Variants in PIGN observed in about 807,000 individuals in gnomAD.
PIGN encodes the protein GPI ethanolamine phosphate transferase 1.
Under a neutral mutation model 125.4 loss-of-function variants are expected in PIGN, and 117 were observed. The observed-to-expected ratio is 0.93, with a 90% CI of 0.80 to 1.09. The LOEUF (loss-of-function observed/expected upper bound fraction) is 1.09, where lower values mean the gene tolerates loss of function less well. PIGN is among the 50% of genes least tolerant of loss of function. The pLI, the probability that PIGN is intolerant of heterozygous loss-of-function variation, is 0.00. For missense variants in PIGN, 1,075 were observed against 1,094.9 expected (o/e 0.98, Z 0.26); for synonymous variants, 392 against 377.8 (o/e 1.04, Z -0.44).
chr18:62,068,115 T>TTTG (rs553683870), intron 30 of PIGN, among the ~76,000 whole-genome samples: 1 of 151,932 alleles, frequency 6.6e-6, no homozygotes, highest in Admixed American at 6.6e-5. Context: ...TGTTTGTTTG[T>TTTG]TTTTTTGTCT....
chr18:62,107,366 G>C (rs940321915), intron 17 of PIGN: 3 of 319,166 alleles, frequency 9.4e-6, no homozygotes, highest in Non-Finnish European at 1.8e-5. Flanking sequence ...AGGCTGAAGA[G>C]GGCGGATCAC....
rs797020874 is a variant in PIGN, at chr18:62,065,513, C to A, written c.2672+7160G>T. On this transcript the variant is annotated intron_variant, in intron 30 of 30. Transcript: ENST00000640252. ...CAGCACTTTGGGAGGCCGAGGCGGG[C>A]GGATCACGAGGTCAGAATATCGAGA... 9.7e-4 allele frequency among the ~76,000 whole-genome samples: 148 copies of A among 151,984 alleles called. 1 individual carries two copies. The highest frequency in any genetic ancestry group is 3.4e-3 in the African/African-American group (143 of 41,460).
downstream of PIGN, among the ~76,000 whole-genome samples, chr18:62,036,936 C>T (rs538418943): frequency 6.6e-6 from 1 of 152,232 alleles, no homozygotes; most frequent in East Asian, 1.9e-4. Flanking sequence ...TTATTATTAC[C>T]TCCTCAATTA....
intron 23 of PIGN, among the ~76,000 whole-genome samples, chr18:62,090,850 A>C (rs2033922048): frequency 6.6e-6 from 1 of 152,200 alleles, no homozygotes; most frequent in Non-Finnish European, 1.5e-5. Flanking sequence ...ACAGATATAC[A>C]TAAAAGAGAA....
chr18:62,100,859 C>T (rs1298961471), intron 22 of PIGN, among the ~76,000 whole-genome samples: 1 of 152,128 alleles, frequency 6.6e-6, no homozygotes, highest in African/African-American at 2.4e-5. Flanking sequence ...ATTATCAGCT[C>T]ATAAATATTC....
At position 62,163,657 on chromosome 18, in the gene PIGN, C is replaced by T. The variant is rs1238378057; in HGVS notation, c.-235-1G>A. On this transcript the variant is annotated splice_acceptor_variant, in intron 1 of 30. Transcript: ENST00000640252. LOFTEE classifies it low-confidence loss of function (5UTR_SPLICE). Reference sequence around the variant, plus strand: ...ACAGGACTGAGACATAATACTGTTTCTAGAACATAAAACATTAAAAAAATT... The same window carrying T: ...ACAGGACTGAGACATAATACTGTTTTTAGAACATAAAACATTAAAAAAATT... 1 of 152,022 alleles carries T rather than the reference C, an allele frequency of 6.6e-6. No individual in the cohort carries two copies. Among genetic ancestry groups the T allele is most frequent in the African/African-American group, 2.4e-5 (1 of 41,416 alleles). The allele number at this position is 152,022 out of a possible 1,614,324, so 9.4% of individuals were successfully genotyped here. A position where few individuals can be genotyped will look rare whatever the true frequency, so the allele number is the denominator to read the frequency against.
chr18:62,122,638 A>C (rs903805551), intron 14 of PIGN, among the ~76,000 whole-genome samples: 4 of 152,190 alleles, frequency 2.6e-5, no homozygotes, highest in Non-Finnish European at 5.9e-5. Flanking sequence ...AGACTTCTGG[A>C]ATGAAAATAT....
chr18:62,022,622 A>C (rs1330600038), intron 23 of PIGN, among the ~76,000 whole-genome samples: 1 of 152,214 alleles, frequency 6.6e-6, no homozygotes, highest in Non-Finnish European at 1.5e-5. Context: ...TGACCTTTAA[A>C]ATTTCTTGTA....
At chr18:62,181,820 G>A (rs188194865) in intron 1 of PIGN, among the ~76,000 whole-genome samples, 43 of 152,076 alleles carry the variant, frequency 2.8e-4, no homozygotes, top group Middle Eastern at 3.4e-3. Context: ...TCCACCTCCC[G>A]GGTTCAAGCA....
chr18:62,170,818 T>C (rs968908148), intron 1 of PIGN, among the ~76,000 whole-genome samples: 3 of 152,166 alleles, frequency 2.0e-5, no homozygotes, highest in Admixed American at 6.5e-5. Context: ...TTGAAGAAAA[T>C]TAAAAGTGTT....
Position 62,082,668 on chromosome 18 carries a change from CT to C in PIGN, c.2576+4del. On this transcript the variant is annotated splice_donor_region_variant and intron_variant, in intron 28 of 30. Transcript: ENST00000640252. ...TCAAATGTTTCTTAAACTAATTCAT[CT>C]TACCTTTTTGACGATAACTGAGTAG... 1 of 1,490,718 alleles carries C rather than the reference CT, an allele frequency of 6.7e-7. No individual in the cohort carries two copies. The highest frequency in any genetic ancestry group is 9.2e-7 in the Non-Finnish European group (1 of 1,091,176). 92.3% of individuals were successfully genotyped at this position (1,490,718 alleles called of 1,614,324 possible).
At chr18:62,165,574 A>G (rs938070331) in intron 1 of PIGN, among the ~76,000 whole-genome samples, 3 of 152,210 alleles carry the variant, frequency 2.0e-5, no homozygotes, top group Admixed American at 6.5e-5. Context: ...GATACATTAA[A>G]TTTAAGCTCG....
chr18:62,141,766 G>C (rs2036144456), intron 11 of PIGN, among the ~76,000 whole-genome samples: 1 of 152,154 alleles, frequency 6.6e-6, no homozygotes, highest in African/African-American at 2.4e-5. Context: ...TGAACTTTCA[G>C]AATTAAGTTC....
chr18:62,140,314 TAA>T, intron 12 of PIGN, 104 bp downstream of exon 12: 2 of 463,496 alleles, frequency 4.3e-6, no homozygotes, highest in Non-Finnish European at 7.8e-6. Flanking sequence ...AGACCCCATC[TAA>T]AAAAAAAACC....
Position 62,103,294 on chromosome 18 carries a change from TACA to T in PIGN, c.1860-395_1860-393del, listed in dbSNP as rs774714608. ...GCTAAACAAGTATATTATCAGTATC[TACA>T]ACATGTATTTTGTGATTATGAAACT... On this transcript the variant is annotated intron_variant, in intron 20 of 30. Coordinates refer to ENST00000640252, the MANE Select transcript of PIGN (RefSeq NM_176787.5). Among the ~76,000 whole-genome samples, 20 of 152,140 alleles carry T rather than the reference TACA, an allele frequency of 1.3e-4. 1 individual carries two copies. Among genetic ancestry groups the T allele is most frequent in the Admixed American group, 9.8e-4 (15 of 15,292 alleles).
intron 30 of PIGN, among the ~76,000 whole-genome samples, chr18:62,049,151 C>T (rs554667460): frequency 1.4e-3 from 213 of 151,740 alleles, no homozygotes; most frequent in Non-Finnish European, 2.6e-3. Flanking sequence ...TGAATAGTGC[C>T]GCAATAAACA....
At chr18:62,129,340 T>C (rs1003196386) in intron 14 of PIGN, among the ~76,000 whole-genome samples, 2 of 152,210 alleles carry the variant, frequency 1.3e-5, no homozygotes, top group East Asian at 1.9e-4. Context: ...TCAGACCCAC[T>C]GCAGCCCATA....
At chr18:62,179,467 G>C (rs544404723) in intron 1 of PIGN, among the ~76,000 whole-genome samples, 33 of 152,242 alleles carry the variant, frequency 2.2e-4, no homozygotes, top group African/African-American at 7.9e-4. Flanking sequence ...CTGTCGGTCA[G>C]GCCTGATGGC....
intron 1 of PIGN, 135 bp from the exon 2 acceptor site, chr18:62,163,791 C>G (rs1464506330): frequency 6.6e-6 from 1 of 152,284 alleles, no homozygotes; most frequent in Middle Eastern, 3.4e-3. Flanking sequence ...AACTTTTCAT[C>G]TTACAAAACT....
Sources: allele counts gnomAD v4.1 joint callset (sites outside exome capture counted in the v4.1 genomes callset), GRCh38; gene constraint gnomAD v4.1.1; transcripts MANE v1.5; gene names NCBI Gene and HGNC (gene_info 2026-07-23, HGNC 2026-07-21).